Variants in TRIM9 observed in about 807,000 individuals in gnomAD.
TRIM9 encodes the protein E3 ubiquitin-protein ligase TRIM9.
In TRIM9, 26 loss-of-function variants were observed where a neutral mutation model predicts 78.3. The observed-to-expected ratio is 0.33, with a 90% CI of 0.24 to 0.46. TRIM9 has a LOEUF of 0.46. Among genes scored for constraint, TRIM9 ranks in the 20% least tolerant of loss-of-function variants. TRIM9 has a pLI of 1.00. For missense variants in TRIM9, 787 were observed against 1,036.4 expected (o/e 0.76, Z 3.30); for synonymous variants, 398 against 416.5 (o/e 0.96, Z 0.54).
intron 1 of TRIM9, among the ~76,000 whole-genome samples, chr14:51,071,770 C>CA (rs1193078880): frequency 6.6e-6 from 1 of 152,158 alleles, no homozygotes; most frequent in African/African-American, 2.4e-5. Flanking sequence ...CACACCACTG[C>CA]ACTCCAGCCT....
In TRIM9 at chr14:51,040,063, G is replaced by A. The variant is rs543391944; in HGVS notation, c.823-14703C>T. ...CTCCCAAAGTGCTGGGATTACAGGC[G>A]TGAGCCATTGCACCCAGCCAAACTT... On this transcript the variant is annotated intron_variant, in intron 1 of 12. Transcript: ENST00000684578. Among the ~76,000 whole-genome samples, 10 of 152,290 alleles carry A rather than the reference G, an allele frequency of 6.6e-5. No individual in the cohort carries two copies. In the South Asian group the frequency reaches 8.3e-4, roughly 13 times the overall value.
At chr14:51,022,460 T>C (rs182118477) in intron 3 of TRIM9, among the ~76,000 whole-genome samples, 1 of 152,362 alleles carries the variant, frequency 6.6e-6, no homozygotes, top group Admixed American at 6.5e-5. Context: ...AATTCTATTA[T>C]TTATAATCAC....
At chr14:51,042,898 C>A (rs143071572) in intron 1 of TRIM9, among the ~76,000 whole-genome samples, 1 of 152,164 alleles carries the variant, frequency 6.6e-6, no homozygotes, top group Non-Finnish European at 1.5e-5. Flanking sequence ...CTTTAACCTT[C>A]GTTCTACTCT....
intron 6 of TRIM9, among the ~76,000 whole-genome samples, chr14:50,999,107 G>C (rs1225828374): frequency 6.6e-6 from 1 of 152,100 alleles, no homozygotes; most frequent in African/African-American, 2.4e-5. Flanking sequence ...AGGTGTCTGG[G>C]GTAGGGTCTC....
At chr14:50,982,566 C>T in intron 10 of TRIM9, 1 of 324,292 alleles carries the variant, frequency 3.1e-6, no homozygotes, top group Non-Finnish European at 5.8e-6. Context: ...GAAGTGCTAA[C>T]ATCTAGTCGC....
chr14:51,005,750 G>T (rs535069509), intron 5 of TRIM9, among the ~76,000 whole-genome samples: 3 of 152,290 alleles, frequency 2.0e-5, no homozygotes, highest in East Asian at 3.9e-4. Flanking sequence ...GCCACTTCCA[G>T]TTTTCTGGAA....
chr14:51,037,454 C>T (rs1426449633), intron 1 of TRIM9, among the ~76,000 whole-genome samples: 1 of 151,880 alleles, frequency 6.6e-6, no homozygotes, highest in Non-Finnish European at 1.5e-5. Context: ...AACAAAAAAC[C>T]TCTCAGCCTC....
chr14:51,021,818 T>A (rs1350036327), intron 3 of TRIM9, among the ~76,000 whole-genome samples: 1 of 152,214 alleles, frequency 6.6e-6, no homozygotes, highest in Non-Finnish European at 1.5e-5. Flanking sequence ...GAATATCAGA[T>A]GTCTCCTGGA....
chr14:51,041,885 T>C (rs2059604394), intron 1 of TRIM9, among the ~76,000 whole-genome samples: 1 of 152,166 alleles, frequency 6.6e-6, no homozygotes, highest in African/African-American at 2.4e-5. Flanking sequence ...TAAGAAAAAA[T>C]TGCTATCAAT....
In TRIM9 at chr14:51,094,695, C is replaced by G; in HGVS notation, c.245G>C (p.Gly82Ala). The G allele has an allele frequency of 2.5e-6, 4 of 1,568,800 alleles. No homozygotes were observed. The highest frequency in any genetic ancestry group is 1.7e-6 in the Non-Finnish European group (2 of 1,156,350). Reference protein sequence around the residue: ...SEADSGYGSYGGFASAPTTPC... With the variant: ...SEADSGYGSYAGFASAPTTPC... The stretch of plus-strand genomic sequence containing the variant: ...GGTAGTGGGGGCGCTGGCGAACCCC[C>G]CGTAGGAGCCATAGCCGCTGTCCGC... Residue 82 changes from glycine to alanine, a missense_variant, in exon 1 of 13, where the codon GGG becomes GCG. By Grantham distance (60) the Gly-to-Ala change is moderately conservative (BLOSUM62 0). Coordinates refer to ENST00000684578, the MANE Select transcript of TRIM9 (RefSeq NM_001387360.1).
intron 1 of TRIM9, among the ~76,000 whole-genome samples, chr14:51,062,416 C>T (rs2061421176): frequency 6.6e-6 from 1 of 152,080 alleles, no homozygotes. Flanking sequence ...AATAAAAGTA[C>T]CAGTTTCACT....
At chr14:51,003,683 C>T (rs1407285804) in intron 5 of TRIM9, among the ~76,000 whole-genome samples, 1 of 151,556 alleles carries the variant, frequency 6.6e-6, no homozygotes, top group Non-Finnish European at 1.5e-5. Context: ...ATCTTCAGAT[C>T]TTGATATTGT....
chr14:51,031,125 G>C lies in TRIM9; in HGVS notation c.823-5765C>G, dbSNP rs1474012831. ...ATTGCGCCATTGCACTCCAGCCTGG[G>C]CAACAAGAATGAAACTCTTTCCAAA... On this transcript the variant is annotated intron_variant, in intron 1 of 12. Transcript: ENST00000684578. Among the ~76,000 whole-genome samples the C allele has an allele frequency of 2.0e-4, 17 of 86,206 alleles. No homozygotes were observed. In the East Asian group the frequency reaches 5.6e-3, roughly 29 times the overall value. 56.6% of individuals were successfully genotyped at this position (86,206 alleles called of 152,430 possible).
rs549149687 is a variant in TRIM9, at chr14:51,085,908, C to A, written c.822+8210G>T. The stretch of plus-strand genomic sequence containing the variant: ...GTTCTGACAGAGAAGCAGGATGAAC[C>A]CCATCTCTGTCAGGTAAGGTAATTA... On this transcript the variant is annotated intron_variant, in intron 1 of 12. Coordinates refer to ENST00000684578, the MANE Select transcript of TRIM9 (RefSeq NM_001387360.1). Among the ~76,000 whole-genome samples, 7 of 152,160 alleles carry A rather than the reference C, an allele frequency of 4.6e-5. No individual in the cohort carries two copies. The South Asian group carries it at 1.2e-3, about 27-fold the overall frequency.
At chr14:51,009,776 A>G (rs1256024494) in intron 4 of TRIM9, among the ~76,000 whole-genome samples, 2 of 152,202 alleles carry the variant, frequency 1.3e-5, no homozygotes, top group East Asian at 3.8e-4. Context: ...TGTCACTCTT[A>G]GCCAGTTTAG....
intron 1 of TRIM9, among the ~76,000 whole-genome samples, chr14:51,065,188 A>C (rs2061639489): frequency 6.6e-6 from 1 of 152,230 alleles, no homozygotes; most frequent in Non-Finnish European, 1.5e-5. Flanking sequence ...GTATATGTAC[A>C]TGTGGGCACG....
At chr14:51,052,695 G>A (rs1223096805) in intron 1 of TRIM9, among the ~76,000 whole-genome samples, 1 of 152,172 alleles carries the variant, frequency 6.6e-6, no homozygotes, top group Non-Finnish European at 1.5e-5. Flanking sequence ...CATGCATGCA[G>A]ACCTCATTAC....
chr14:51,022,714 AC>A, intron 3 of TRIM9, 120 bp downstream of exon 3: 2 of 1,476,470 alleles, frequency 1.4e-6, no homozygotes, highest in Non-Finnish European at 9.1e-7. Context: ...ACCACTGGCT[AC>A]CCAAGGCTGT....
At chr14:50,991,720 TAG>T (rs926486904) in intron 7 of TRIM9, among the ~76,000 whole-genome samples, 1 of 152,134 alleles carries the variant, frequency 6.6e-6, no homozygotes, top group African/African-American at 2.4e-5. Flanking sequence ...ACAGCAGTTT[TAG>T]AGAGAGAAGC....
Sources: gnomAD v4.1 joint callset for allele counts (sites outside exome capture counted in the v4.1 genomes callset) on GRCh38, gnomAD v4.1.1 for gene constraint, MANE v1.5 for transcripts, NCBI Gene and HGNC (gene_info 2026-07-23, HGNC 2026-07-21) for gene names.